Variants in PSD3 observed in about 807,000 individuals in gnomAD.
The protein encoded by PSD3 is PH and SEC7 domain-containing protein 3.
In PSD3, 49 loss-of-function variants were observed where a neutral mutation model predicts 105.5. That is an observed-to-expected ratio of 0.46 (90% CI 0.37 to 0.59). The LOEUF (loss-of-function observed/expected upper bound fraction) is 0.59, where lower values mean the gene tolerates loss of function less well. Ranked by LOEUF, PSD3 falls within the 20% of genes least tolerant of loss-of-function variation. PSD3 has a pLI of 0.00. For missense variants in PSD3, 1,561 were observed against 1,263.8 expected (o/e 1.24, Z -3.57); for synonymous variants, 557 against 457.8 (o/e 1.22, Z -2.77).
At chr8:18,753,402 T>TTG (rs1209996080) in intron 9 of PSD3, among the ~76,000 whole-genome samples, 1 of 151,932 alleles carries the variant, frequency 6.6e-6, no homozygotes, top group African/African-American at 2.4e-5. Context: ...GAACTCCCTC[T>TTG]GACAAGATGG....
In PSD3 at chr8:18,527,530, C is replaced by T. The variant is rs1799472925; in HGVS notation, c.*8213G>A. On this transcript the variant is annotated 3_prime_UTR_variant, in exon 16 of 16. Coordinates refer to ENST00000327040, the MANE Select transcript of PSD3 (RefSeq NM_015310.4). ...AATAAATGTACTCTATATATCACAGCTTCTATACATATCAGATGACTCACT... is the reference window on the plus strand; with the variant it reads ...AATAAATGTACTCTATATATCACAGTTTCTATACATATCAGATGACTCACT... 1 of 152,510 alleles carries T rather than the reference C, an allele frequency of 6.6e-6. No homozygotes were observed. The highest frequency in any genetic ancestry group is 2.4e-5 in the African/African-American group (1 of 41,410). 9.4% of individuals were successfully genotyped at this position (152,510 alleles called of 1,614,324 possible). A position where few individuals can be genotyped will look rare whatever the true frequency, so the allele number is the denominator to read the frequency against.
chr8:18,537,490 T>C (rs1416069534), intron 15 of PSD3, among the ~76,000 whole-genome samples: 1 of 152,176 alleles, frequency 6.6e-6, no homozygotes, highest in East Asian at 1.9e-4. Flanking sequence ...CTCATGTGCC[T>C]TTCACTACAA....
chr8:19,073,394 T>C (rs1373670505), intron 1 of PSD3, among the ~76,000 whole-genome samples: 3 of 151,556 alleles, frequency 2.0e-5, no homozygotes, highest in Non-Finnish European at 2.9e-5. Context: ...CTACCAATAA[T>C]ACAAAAATGA....
At chr8:19,074,772 C>T (rs1321837392) in intron 1 of PSD3, among the ~76,000 whole-genome samples, 2 of 151,016 alleles carry the variant, frequency 1.3e-5, no homozygotes, top group Admixed American at 6.6e-5. Context: ...AAGCGCCCAC[C>T]ACCACACCGG....
chr8:18,971,687 C>T (rs1219925603), intron 1 of PSD3, among the ~76,000 whole-genome samples: 3 of 152,034 alleles, frequency 2.0e-5, no homozygotes, highest in African/African-American at 4.8e-5. Context: ...AAATAGGATT[C>T]GGAGGGTCCC....
At chr8:18,647,209 G>T (rs953047824) in intron 10 of PSD3, among the ~76,000 whole-genome samples, 2 of 152,192 alleles carry the variant, frequency 1.3e-5, no homozygotes, top group African/African-American at 4.8e-5. Flanking sequence ...TTGCAACAAG[G>T]AAATGAAAAG....
chr8:18,701,877 C>G (rs181312224), intron 9 of PSD3, among the ~76,000 whole-genome samples: 179 of 152,024 alleles, frequency 1.2e-3, no homozygotes, highest in Middle Eastern at 6.8e-3. Flanking sequence ...TTTTTTCAAC[C>G]GACAAAAAAA....
chr8:19,074,006 G>A (rs1392231875), intron 1 of PSD3, among the ~76,000 whole-genome samples: 2 of 152,020 alleles, frequency 1.3e-5, no homozygotes, highest in African/African-American at 2.4e-5. Flanking sequence ...TAGCCAGGAT[G>A]GTCTCGATCT....
Position 18,842,657 on chromosome 8 carries a change from C to T in PSD3, c.1634+25017G>A, listed in dbSNP as rs139633864. ...CTGAGGCAGGAGAATGGCGTGAACC[C>T]GGGATGCGGAGTTTGCAGTGAGCCG... On this transcript the variant is annotated intron_variant, in intron 4 of 15. Transcript: ENST00000327040. Among the ~76,000 whole-genome samples, 242 of 152,012 alleles carry T rather than the reference C, an allele frequency of 1.6e-3. 3 individuals carry two copies. The highest frequency in any genetic ancestry group is 5.5e-3 in the African/African-American group (230 of 41,490).
intron 2 of PSD3, among the ~76,000 whole-genome samples, chr8:18,922,655 C>T (rs77539678): frequency 9.9e-5 from 15 of 152,232 alleles, no homozygotes; most frequent in Non-Finnish European, 2.2e-4. Context: ...CCAAGACTGC[C>T]CCTTCCCTTC....
intron 11 of PSD3, among the ~76,000 whole-genome samples, chr8:18,610,052 T>G (rs1448253056): frequency 6.6e-6 from 1 of 152,228 alleles, no homozygotes; most frequent in Non-Finnish European, 1.5e-5. Context: ...TAATCACTTA[T>G]CTTTGAAACA....
intron 1 of PSD3, among the ~76,000 whole-genome samples, chr8:19,081,703 C>T (rs1829651401): frequency 1.3e-5 from 2 of 152,176 alleles, no homozygotes; most frequent in South Asian, 4.1e-4. Context: ...CCTTATAATA[C>T]TTGGAAAGAT....
chr8:18,984,434 A>T (rs896266398), intron 1 of PSD3, among the ~76,000 whole-genome samples: 4 of 152,112 alleles, frequency 2.6e-5, no homozygotes, highest in Non-Finnish European at 5.9e-5. Context: ...AAAATATTTG[A>T]AAACAATCAA....
chr8:19,032,522 T>C (rs962594869), intron 1 of PSD3, among the ~76,000 whole-genome samples: 19 of 151,910 alleles, frequency 1.3e-4, no homozygotes, highest in Admixed American at 3.3e-4. Context: ...CAGTGGCACA[T>C]GCCTGTAGTC....
chr8:18,822,928 C>A (rs1190898739), intron 4 of PSD3, among the ~76,000 whole-genome samples: 4 of 152,154 alleles, frequency 2.6e-5, no homozygotes, highest in Admixed American at 2.6e-4. Flanking sequence ...GGCACTACCT[C>A]ACTCCCATCC....
At chr8:18,640,494 G>A (rs773658878) in intron 10 of PSD3, among the ~76,000 whole-genome samples, 65 of 152,230 alleles carry the variant, frequency 4.3e-4, no homozygotes, top group Middle Eastern at 3.4e-3. Context: ...TTAAGTTCTC[G>A]TGAGATCTGA....
chr8:18,550,111 C>A (rs994244135), intron 15 of PSD3, among the ~76,000 whole-genome samples: 1 of 152,182 alleles, frequency 6.6e-6, no homozygotes, highest in African/African-American at 2.4e-5. Context: ...TGACCCTTAT[C>A]AGAGCAGGCA....
At chr8:18,685,382 T>G (rs1326284971) in intron 9 of PSD3, among the ~76,000 whole-genome samples, 1 of 152,156 alleles carries the variant, frequency 6.6e-6, no homozygotes, top group African/African-American at 2.4e-5. Flanking sequence ...TGTTGCATCC[T>G]CATGACAGGG....
intron 1 of PSD3, among the ~76,000 whole-genome samples, chr8:18,991,024 G>A (rs1299300081): frequency 6.6e-6 from 1 of 152,078 alleles, no homozygotes; most frequent in Non-Finnish European, 1.5e-5. Flanking sequence ...TCAGCCCCAG[G>A]AAAGTGAAAT....
Sources: allele counts gnomAD v4.1 joint callset (sites outside exome capture counted in the v4.1 genomes callset), GRCh38; gene constraint gnomAD v4.1.1; transcripts MANE v1.5; gene names NCBI Gene and HGNC (gene_info 2026-07-23, HGNC 2026-07-21).